ZNF266: variants seen among roughly 807,000 people sequenced by gnomAD.
The protein encoded by ZNF266 is zinc finger protein 1.
ZNF266 carries 16 observed loss-of-function variants against 16.4 expected under a neutral mutation model. The ratio of observed to expected loss-of-function variants is 0.98; its 90% CI spans 0.66 to 1.48. ZNF266 has a LOEUF of 1.48. Among genes scored for constraint, ZNF266 ranks in the 40% most tolerant of loss-of-function variants. The pLI is 0.00. For missense variants in ZNF266, 738 were observed against 689.1 expected (o/e 1.07, Z -0.79); for synonymous variants, 262 against 237.9 (o/e 1.10, Z -0.93).
rs552844550 is a variant in ZNF266 at position 9,413,166 on chromosome 19, A to T, written c.*109T>A. ...TGTGAATTCATATGTGTTCATTAAG[A>T]CCTGAGATACAAAGTTGCTTCCACA... On this transcript the variant is annotated 3_prime_UTR_variant, in exon 11 of 11. Transcript: ENST00000592904. 2.8e-4 allele frequency: 379 copies of T among 1,356,800 alleles called. 2 individuals are homozygous for T. In the South Asian group the frequency reaches 3.6e-3, roughly 13 times the overall value. 84.0% of individuals were successfully genotyped at this position (1,356,800 alleles called of 1,614,324 possible).
intron 5 of ZNF266, among the ~76,000 whole-genome samples, chr19:9,428,430 T>C (rs1029348314): frequency 1.3e-5 from 2 of 152,190 alleles, no homozygotes; most frequent in East Asian, 1.9e-4. Context: ...CCTGACTACC[T>C]GGAAAGCCCC....
rs1413900503 is a variant in ZNF266 at position 9,412,442 on chromosome 19, A to C, written c.*833T>G. ...GAACGGAAAAAATAATCACAAAAAA[A>C]TTTTATTATGTTTGAAGAAAGCTTA... On this transcript the variant is annotated 3_prime_UTR_variant, in exon 11 of 11. Coordinates refer to ENST00000592904, the MANE Select transcript of ZNF266 (RefSeq NM_001370374.1). Among the ~76,000 whole-genome samples the C allele has an allele frequency of 2.0e-5, 3 of 152,224 alleles. No homozygotes were observed. Among genetic ancestry groups the C allele is most frequent in the Non-Finnish European group, 4.4e-5 (3 of 68,052 alleles).
intron 5 of ZNF266, among the ~76,000 whole-genome samples, chr19:9,422,097 C>A (rs989695902): frequency 6.6e-6 from 1 of 152,152 alleles, no homozygotes; most frequent in Non-Finnish European, 1.5e-5. Flanking sequence ...GTGATCTGCC[C>A]GCCTCGGCCT....
intron 9 of ZNF266, among the ~76,000 whole-genome samples, chr19:9,417,140 G>A (rs928771723): frequency 6.6e-6 from 1 of 151,696 alleles, no homozygotes; most frequent in African/African-American, 2.4e-5. Context: ...GGAGGCCAAG[G>A]CAGGTGGATC....
chr19:9,417,511 GAGATC>G (rs1350913269), intron 9 of ZNF266, among the ~76,000 whole-genome samples: 1 of 152,202 alleles, frequency 6.6e-6, no homozygotes, highest in African/African-American at 2.4e-5. Flanking sequence ...GGCAGATCAT[GAGATC>G]AGGAGTTTGA....
At chr19:9,422,032 T>C (rs1302392213) in intron 5 of ZNF266, among the ~76,000 whole-genome samples, 1 of 152,162 alleles carries the variant, frequency 6.6e-6, no homozygotes, top group East Asian at 1.9e-4. Flanking sequence ...TTTGTATTTT[T>C]AGTAGACACG....
At chr19:9,424,686 CTTTTA>C (rs937640897) in intron 5 of ZNF266, among the ~76,000 whole-genome samples, 1 of 152,094 alleles carries the variant, frequency 6.6e-6, no homozygotes, top group African/African-American at 2.4e-5. Context: ...CTTTTTCCCA[CTTTTA>C]TTTTATATAC....
intron 5 of ZNF266, among the ~76,000 whole-genome samples, chr19:9,424,388 A>AAAACCAC (rs910721038): frequency 3.9e-5 from 6 of 152,222 alleles, no homozygotes; most frequent in Non-Finnish European, 8.8e-5. Flanking sequence ...AGGTTAATGG[A>AAAACCAC]AAACCACAAC....
chr19:9,414,718 T>A lies in ZNF266; in HGVS notation c.408A>T (p.Ile136=). 6.4e-7 allele frequency: 1 copy of A among 1,555,578 alleles called. No individual in the cohort carries two copies. Among genetic ancestry groups the A allele is most frequent in the South Asian group, 1.2e-5 (1 of 83,370 alleles). The change falls in exon 11 of 11, where the codon ATA becomes ATT. Residue 136 remains isoleucine (I), a splice_region_variant and synonymous_variant. Transcript: ENST00000592904. The part of the protein sequence containing the change: ...GEPTSSGIQM[I]GSHNGGEVSD... ...TGACCTCCCCTCCGTTGTGGCTTCCTATCTGTTGATAAAGGAATGAATGAT... is the reference window on the plus strand; with the variant it reads ...TGACCTCCCCTCCGTTGTGGCTTCCAATCTGTTGATAAAGGAATGAATGAT...
intron 5 of ZNF266, among the ~76,000 whole-genome samples, chr19:9,425,462 A>G (rs970966050): frequency 6.6e-6 from 1 of 152,114 alleles, no homozygotes; most frequent in African/African-American, 2.4e-5. Flanking sequence ...ATTTGCAGCC[A>G]CTCTCCAGAG....
intron 5 of ZNF266, among the ~76,000 whole-genome samples, chr19:9,425,413 C>T (rs2070590927): frequency 6.6e-6 from 1 of 152,190 alleles, no homozygotes; most frequent in Non-Finnish European, 1.5e-5. Flanking sequence ...GCCCAACACA[C>T]TGGAATGTAA....
rs559499182 is a variant in ZNF266, at chr19:9,412,435, C to T, written c.*840G>A. ...AGCTAATGAACGGAAAAAATAATCA[C>T]AAAAAAATTTTATTATGTTTGAAGA... On this transcript the variant is annotated 3_prime_UTR_variant, in exon 11 of 11. Coordinates refer to ENST00000592904, the MANE Select transcript of ZNF266 (RefSeq NM_001370374.1). Among the ~76,000 whole-genome samples the T allele has an allele frequency of 2.6e-5, 4 of 152,108 alleles. No homozygotes were observed. The highest frequency in any genetic ancestry group is 5.9e-5 in the Non-Finnish European group (4 of 68,028).
At chr19:9,415,777 A>AT (rs1568404734) in intron 9 of ZNF266, 35 bp from the exon 10 acceptor site, 2 of 1,563,192 alleles carry the variant, frequency 1.3e-6, no homozygotes, top group East Asian at 4.5e-5. Flanking sequence ...GTTTGGAGAC[A>AT]TACAGGGTAG....
rs370863674 is a variant in ZNF266, at chr19:9,414,058, G to T, written c.1068C>A (p.Ile356=). ...ATTCATAAGGCTTCTCACCCACATG[G>T]ATTTTCATATGTTGACTTAAGCAAG... ...VSSCLSQHMK[I]HVGEKPYECK... Residue 356 remains isoleucine (I), a synonymous_variant, in exon 11 of 11, where the codon ATC becomes ATA. Coordinates refer to ENST00000592904, the MANE Select transcript of ZNF266 (RefSeq NM_001370374.1). 6.0e-5 allele frequency: 97 copies of T among 1,613,358 alleles called. No individual in the cohort carries two copies. Among genetic ancestry groups the T allele is most frequent in the Non-Finnish European group, 7.5e-5 (89 of 1,179,878 alleles).
intron 9 of ZNF266, among the ~76,000 whole-genome samples, chr19:9,416,441 G>T (rs1185947660): frequency 2.0e-5 from 3 of 148,288 alleles, no homozygotes; most frequent in Non-Finnish European, 1.5e-5. Context: ...TCGGCTCACT[G>T]CAACTTCCGC....
rs145142226 is a variant in ZNF266, at chr19:9,413,732, T to C, written c.1394A>G (p.His465Arg). 30 of 1,614,084 alleles carry C rather than the reference T, an allele frequency of 1.9e-5. No individual in the cohort carries two copies. Among genetic ancestry groups the C allele is most frequent in the African/African-American group, 4.0e-5 (3 of 74,924 alleles). ...CTTCTCTCCAGTGTGAGTTCTTGTA[T>C]GTTCACTAAGGCGAGAGGATCTGGC... ...AFARSSRLSE[H>R]TRTHTGEKPF... is the part of the protein sequence containing the mutation. The change falls in exon 11 of 11, where the codon CAT becomes CGT. Residue 465 changes from histidine to arginine, a missense_variant. Physicochemically the swap from His to Arg is conservative, Grantham distance 29 (BLOSUM62 0). Transcript: ENST00000592904.
chr19:9,430,845 T>C (rs2123452358), intron 5 of ZNF266, among the ~76,000 whole-genome samples: 1 of 152,288 alleles, frequency 6.6e-6, no homozygotes, highest in African/African-American at 2.4e-5. Context: ...CCATGGACCG[T>C]AACAAAGGCA....
chr19:9,418,583 A>G lies in ZNF266; in HGVS notation c.157T>C (p.Trp53Arg), dbSNP rs1341398263. Residue 53 changes from tryptophan to arginine, a missense_variant, in exon 8 of 11, where the codon TGG (tryptophan) becomes CGG (arginine). Trp to Arg is a moderately radical substitution (Grantham distance 101). Transcript: ENST00000592904. ...DLAVDFTPEE[W>R]TLLDPTQRNL... The stretch of plus-strand genomic sequence containing the variant: ...CTCTGAGTTGGGTCCAGTAAAGTCC[A>G]TTCTTCTGGGGTGAAGTCCACAGCC... 6.2e-7 allele frequency: 1 copy of G among 1,607,462 alleles called. No homozygotes were observed. Among genetic ancestry groups the G allele is most frequent in the Non-Finnish European group, 8.5e-7 (1 of 1,173,896 alleles).
chr19:9,430,360 C>T, intron 5 of ZNF266, among the ~76,000 whole-genome samples: 1 of 109,834 alleles, frequency 9.1e-6, no homozygotes, highest in Non-Finnish European at 2.0e-5. Flanking sequence ...CAGGTGATCA[C>T]CTTTTAAAGA....
Sources: gnomAD v4.1 joint callset for allele counts (sites outside exome capture counted in the v4.1 genomes callset) on GRCh38, gnomAD v4.1.1 for gene constraint, MANE v1.5 for transcripts, NCBI Gene and HGNC (gene_info 2026-07-23, HGNC 2026-07-21) for gene names.